The following NRG3 variants were observed in gnomAD, a reference collection of about 807,000 sequenced individuals.
NRG3 encodes the protein pro-neuregulin-3, membrane-bound isoform.
In NRG3, 31 loss-of-function variants were observed where a neutral mutation model predicts 66.9. The ratio of observed to expected loss-of-function variants is 0.46; its 90% CI spans 0.35 to 0.63. The LOEUF (loss-of-function observed/expected upper bound fraction) is 0.63, where lower values mean the gene tolerates loss of function less well. Among genes scored for constraint, NRG3 ranks in the 20% least tolerant of loss-of-function variants. NRG3 has a pLI of 0.00. For missense variants in NRG3, 910 were observed against 878.9 expected (o/e 1.04, Z -0.45); for synonymous variants, 393 against 359.4 (o/e 1.09, Z -1.06).
intron 1 of NRG3, among the ~76,000 whole-genome samples, chr10:82,268,066 A>G (rs2078395869): frequency 6.6e-6 from 1 of 152,208 alleles, no homozygotes; most frequent in Admixed American, 6.5e-5. Flanking sequence ...TCTTCCTCTT[A>G]GAACCAAATT....
chr10:82,303,861 T>A (rs1490690658), intron 1 of NRG3, among the ~76,000 whole-genome samples: 1 of 152,010 alleles, frequency 6.6e-6, no homozygotes, highest in Non-Finnish European at 1.5e-5. Flanking sequence ...AGCAAGACCC[T>A]GTCTCAAAAA....
chr10:82,964,001 C>T (rs926521130), intron 6 of NRG3, among the ~76,000 whole-genome samples: 6 of 152,124 alleles, frequency 3.9e-5, no homozygotes, highest in Non-Finnish European at 8.8e-5. Flanking sequence ...TTTGTTGTAG[C>T]ATTAATTAAA....
intron 3 of NRG3, among the ~76,000 whole-genome samples, chr10:82,800,444 AT>A (rs1308379904): frequency 3.9e-5 from 6 of 152,026 alleles, no homozygotes; most frequent in Non-Finnish European, 8.8e-5. Context: ...ATTTTTAAGC[AT>A]CCCAATCATT....
At chr10:82,226,868 T>A (rs2076190231) in intron 1 of NRG3, among the ~76,000 whole-genome samples, 1 of 152,218 alleles carries the variant, frequency 6.6e-6, no homozygotes, top group African/African-American at 2.4e-5. Context: ...CAGTGCTCAA[T>A]AATTGTCAGT....
At chr10:82,865,742 A>G (rs1386235513) in intron 4 of NRG3, among the ~76,000 whole-genome samples, 2 of 152,154 alleles carry the variant, frequency 1.3e-5, no homozygotes, top group Admixed American at 1.3e-4. Flanking sequence ...AGGGATAATA[A>G]TAGGTTCTAT....
chr10:81,934,609 T>C (rs770475012), intron 1 of NRG3, among the ~76,000 whole-genome samples: 1 of 152,222 alleles, frequency 6.6e-6, no homozygotes, highest in Admixed American at 6.5e-5. Context: ...TCTTTAGATA[T>C]ATGTGGCCTT....
chr10:82,847,826 G>A (rs998977598), intron 3 of NRG3, among the ~76,000 whole-genome samples: 1 of 152,142 alleles, frequency 6.6e-6, no homozygotes, highest in Non-Finnish European at 1.5e-5. Context: ...TGTATTTTAA[G>A]CTCACAGAAT....
At chr10:81,889,715 A>C (rs895192607) in intron 1 of NRG3, 2 of 152,220 alleles carry the variant, frequency 1.3e-5, no homozygotes, top group African/African-American at 4.8e-5. Flanking sequence ...GACATATACA[A>C]GTGTTATTTG....
chr10:82,368,140 C>T (rs1420065734), intron 2 of NRG3, among the ~76,000 whole-genome samples: 2 of 105,672 alleles, frequency 1.9e-5, no homozygotes, highest in Non-Finnish European at 3.3e-5. Context: ...AGTTGAGATG[C>T]CTGGTATTGA....
In NRG3 at chr10:82,953,025, G is replaced by A. The variant is rs142045185; in HGVS notation, c.1157+1454G>A. Among the ~76,000 whole-genome samples the A allele has an allele frequency of 5.0e-3, 753 of 151,966 alleles. 18 individuals are homozygous for A. Among genetic ancestry groups the A allele is most frequent in the African/African-American group, 0.017 (705 of 41,260 alleles). On this transcript the variant is annotated intron_variant, in intron 5 of 8. Coordinates refer to ENST00000372141, the MANE Select transcript of NRG3 (RefSeq NM_001010848.4). ...CAATTAATGGAACAATATTGATATA[G>A]TATTACTAACTAAAGTCTGTATTTT...
At chr10:82,012,162 T>C (rs1306154441) in intron 1 of NRG3, among the ~76,000 whole-genome samples, 1 of 152,180 alleles carries the variant, frequency 6.6e-6, no homozygotes, top group Non-Finnish European at 1.5e-5. Flanking sequence ...CAAACCTCAG[T>C]TCTTTACTTC....
intron 2 of NRG3, among the ~76,000 whole-genome samples, chr10:82,706,961 T>C (rs2056332790): frequency 6.7e-6 from 1 of 149,188 alleles, no homozygotes; most frequent in Admixed American, 6.7e-5. Flanking sequence ...ACCACTGCAC[T>C]CCAGCCTGGG....
At chr10:82,625,160 C>A (rs1367599785) in intron 2 of NRG3, among the ~76,000 whole-genome samples, 2 of 151,806 alleles carry the variant, frequency 1.3e-5, no homozygotes, top group African/African-American at 4.8e-5. Context: ...GCCAAAATAG[C>A]CACTTAAGGA....
intron 4 of NRG3, among the ~76,000 whole-genome samples, chr10:82,904,958 G>C (rs1324002201): frequency 2.6e-5 from 4 of 152,250 alleles, no homozygotes; most frequent in Admixed American, 2.0e-4. Flanking sequence ...CCTGTAGAAA[G>C]CATGATCTAA....
At chr10:82,082,737 G>A (rs2065464755) in intron 1 of NRG3, among the ~76,000 whole-genome samples, 1 of 152,108 alleles carries the variant, frequency 6.6e-6, no homozygotes, top group South Asian at 2.1e-4. Context: ...GAATCCCAAA[G>A]GAATGACACC....
At chr10:82,000,427 G>T (rs189712011) in intron 1 of NRG3, among the ~76,000 whole-genome samples, 1 of 152,084 alleles carries the variant, frequency 6.6e-6, no homozygotes, top group Non-Finnish European at 1.5e-5. Context: ...AACATTGTCA[G>T]GTTTGTAGCG....
intron 2 of NRG3, among the ~76,000 whole-genome samples, chr10:82,429,030 T>C (rs1047463551): frequency 6.6e-6 from 1 of 152,034 alleles, no homozygotes; most frequent in Admixed American, 6.5e-5. Context: ...TTTTGAGTTA[T>C]TTGCTTAGTT....
chr10:81,972,686 G>A (rs2059975390), intron 1 of NRG3, among the ~76,000 whole-genome samples: 1 of 152,068 alleles, frequency 6.6e-6, no homozygotes, highest in Admixed American at 6.6e-5. Flanking sequence ...GATCTGTGGG[G>A]CAACTTCAAA....
intron 2 of NRG3, among the ~76,000 whole-genome samples, chr10:82,673,074 G>A (rs1479068015): frequency 6.6e-6 from 1 of 152,156 alleles, no homozygotes; most frequent in African/African-American, 2.4e-5. Context: ...CTCAGGTATT[G>A]CTGTTTCCTC....
Sources: gnomAD v4.1 joint callset for allele counts (sites outside exome capture counted in the v4.1 genomes callset) on GRCh38, gnomAD v4.1.1 for gene constraint, MANE v1.5 for transcripts, NCBI Gene and HGNC (gene_info 2026-07-23, HGNC 2026-07-21) for gene names.